Variants in ORC6 observed in about 807,000 individuals in gnomAD.
ORC6 encodes origin recognition complex subunit 6, also known as origin recognition complex, subunit 6 homolog-like (yeast).
ORC6 carries 31 observed loss-of-function variants against 30.0 expected under a neutral mutation model. The observed-to-expected ratio is 1.03, with a 90% CI of 0.78 to 1.40. The LOEUF (loss-of-function observed/expected upper bound fraction) is 1.40. Among genes scored for constraint, ORC6 ranks in the 40% most tolerant of loss-of-function variants. The pLI is 0.00. For synonymous variants in ORC6, 136 were observed against 111.2 expected (o/e 1.22, Z -1.40); for missense variants, 340 against 304.3 (o/e 1.12, Z -0.87).
intron 2 of ORC6, among the ~76,000 whole-genome samples, chr16:46,692,067 A>T (rs1184742151): frequency 6.6e-6 from 1 of 151,840 alleles, no homozygotes; most frequent in East Asian, 1.9e-4. Context: ...TATAAACACA[A>T]GTAACCATCT....
chr16:46,693,806 CTTTTTTTTT>C (rs1194005655), intron 4 of ORC6: 1 of 46,090 alleles, frequency 2.2e-5, no homozygotes, highest in Non-Finnish European at 4.5e-5. Context: ...AACACTGTCT[CTTTTTTTTT>C]TTTTTTTTTT....
intron 5 of ORC6, 171 bp from the exon 6 acceptor site, chr16:46,695,846 G>A: frequency 1.3e-6 from 1 of 751,554 alleles, no homozygotes; most frequent in Non-Finnish European, 2.4e-6. Context: ...ATCTATGCCT[G>A]GAAAATGATT....
intron 4 of ORC6, chr16:46,695,311 A>C: frequency 2.1e-6 from 1 of 466,960 alleles, no homozygotes; most frequent in South Asian, 2.3e-5. Context: ...TCTAAAAGTC[A>C]TGAAGCACTA....
At position 46,698,186 on chromosome 16, in the gene ORC6, TA is replaced by T. The variant is rs1966544211; in HGVS notation, c.*602del. On this transcript the variant is annotated 3_prime_UTR_variant, in exon 7 of 7. Transcript: ENST00000219097. The stretch of plus-strand genomic sequence containing the variant: ...ATAGATAGATAGATAGATAGATGGA[TA>T]GATAGATAGATAGATAGATAGATAG... 2.5e-6 allele frequency: 1 copy of T among 407,568 alleles called. No homozygotes were observed. Among genetic ancestry groups the T allele is most frequent in the Non-Finnish European group, 4.9e-6 (1 of 204,122 alleles). 25.2% of individuals were successfully genotyped at this position (407,568 alleles called of 1,614,324 possible).
In ORC6 at chr16:46,697,808, T is replaced by C; in HGVS notation, c.*223T>C. Reference sequence around the variant, plus strand: ...AGTGCCTGATTGGTATAGCCTTATGTGCTTTCCTACAAAATGGAATTGGAG... The same window carrying C: ...AGTGCCTGATTGGTATAGCCTTATGCGCTTTCCTACAAAATGGAATTGGAG... On this transcript the variant is annotated 3_prime_UTR_variant, in exon 7 of 7. Transcript: ENST00000219097. The C allele has an allele frequency of 3.1e-6, 2 of 638,542 alleles. No individual in the cohort carries two copies. Among genetic ancestry groups the C allele is most frequent in the South Asian group, 3.0e-5 (2 of 66,182 alleles). The allele number at this position is 638,542 out of a possible 1,614,324, so 39.6% of individuals were successfully genotyped here.
chr16:46,692,322 G>A (rs1392653937), intron 2 of ORC6, 60 bp from the exon 3 acceptor site: 1 of 1,369,170 alleles, frequency 7.3e-7, no homozygotes, highest in Non-Finnish European at 1.0e-6. Flanking sequence ...AGTGTTTAAG[G>A]GTACTAATAT....
chr16:46,695,172 A>T (rs1339924368), intron 4 of ORC6: 1 of 231,792 alleles, frequency 4.3e-6, no homozygotes, highest in Non-Finnish European at 8.5e-6. Context: ...TTATTAGGAA[A>T]GTTTATTTTC....
At chr16:46,693,040 T>G (rs1966465951) in intron 3 of ORC6, 53 bp from the exon 4 acceptor site, 1 of 1,200,456 alleles carries the variant, frequency 8.3e-7, no homozygotes, top group African/African-American at 1.5e-5. Flanking sequence ...ACTTTCAGTC[T>G]CTTTTCAAAT....
At chr16:46,690,698 C>T in intron 1 of ORC6, 1 of 425,892 alleles carries the variant, frequency 2.3e-6, no homozygotes, top group South Asian at 2.1e-5. Context: ...TCTAACCTGC[C>T]TGTCTCTGAT....
rs917709633 is a variant in ORC6 at position 46,698,021 on chromosome 16, A to G, written c.*436A>G. Reference sequence around the variant, plus strand: ...TCCCAGCTCCTCAGTAGGCTGAGACAGGAGCATCACTTGAACGTGGGAGGC... The same window carrying G: ...TCCCAGCTCCTCAGTAGGCTGAGACGGGAGCATCACTTGAACGTGGGAGGC... On this transcript the variant is annotated 3_prime_UTR_variant, in exon 7 of 7. Transcript: ENST00000219097. 2 of 411,996 alleles carry G rather than the reference A, an allele frequency of 4.9e-6. No homozygotes were observed. Among genetic ancestry groups the G allele is most frequent in the African/African-American group, 4.1e-5 (2 of 48,970 alleles). The allele number at this position is 411,996 out of a possible 1,614,324, so 25.5% of individuals were successfully genotyped here.
chr16:46,693,474 T>C, intron 4 of ORC6: 1 of 468,954 alleles, frequency 2.1e-6, no homozygotes, highest in Non-Finnish European at 3.9e-6. Context: ...TAAAACAGTC[T>C]TCACATGTGA....
At chr16:46,690,763 A>C (rs1966426552) in intron 1 of ORC6, 7 of 582,528 alleles carry the variant, frequency 1.2e-5, no homozygotes, top group Middle Eastern at 9.1e-4. Context: ...TTTTTTGTCA[A>C]AATTTAACTT....
intron 2 of ORC6, 72 bp from the exon 3 acceptor site, chr16:46,692,306 TAAAC>T: frequency 8.0e-7 from 1 of 1,245,818 alleles, no homozygotes; most frequent in African/African-American, 1.5e-5. Context: ...TACTGCTTAT[TAAAC>T]AAGTGTTTAA....
chr16:46,694,515 A>G (rs1257828558), intron 4 of ORC6: 4 of 129,114 alleles, frequency 3.1e-5, no homozygotes, highest in Non-Finnish European at 4.9e-5. Flanking sequence ...TCCTTCCTGG[A>G]CGGGGCGGCT....
intron 4 of ORC6, among the ~76,000 whole-genome samples, chr16:46,694,764 A>G (rs989721902): frequency 7.9e-5 from 12 of 151,926 alleles, no homozygotes; most frequent in African/African-American, 1.2e-4. Context: ...TGGGTTATCT[A>G]TGTGTATGCT....
chr16:46,695,797 G>A (rs1015532202), intron 5 of ORC6, 123 bp downstream of exon 5: 4 of 772,194 alleles, frequency 5.2e-6, no homozygotes, highest in Non-Finnish European at 9.2e-6. Context: ...TGTGGACCAG[G>A]TATGTTTTTA....
rs1205060200 is a variant in ORC6 at position 46,697,960 on chromosome 16, C to T, written c.*375C>T. On this transcript the variant is annotated 3_prime_UTR_variant, in exon 7 of 7. Transcript: ENST00000219097. ...TGAAACCCCATCTCTACTAAAAATACAAAAATTAGCCAGGTGTGATGGTGC... is the reference window on the plus strand; with the variant it reads ...TGAAACCCCATCTCTACTAAAAATATAAAAATTAGCCAGGTGTGATGGTGC... 2.3e-6 allele frequency: 1 copy of T among 436,928 alleles called. No individual in the cohort carries two copies. Among genetic ancestry groups the T allele is most frequent in the Admixed American group, 2.4e-5 (1 of 41,296 alleles). The allele number at this position is 436,928 out of a possible 1,614,324, so 27.1% of individuals were successfully genotyped here. A position where few individuals can be genotyped will look rare whatever the true frequency, so the allele number is the denominator to read the frequency against.
intron 2 of ORC6, among the ~76,000 whole-genome samples, chr16:46,691,932 GCACA>G (rs34549741): frequency 1.7e-5 from 1 of 59,244 alleles, no homozygotes; most frequent in African/African-American, 6.9e-5. Flanking sequence ...TTTCTCTCCT[GCACA>G]CACACACACA....
chr16:46,696,171 C>A, intron 6 of ORC6, 86 bp downstream of exon 6: 1 of 909,088 alleles, frequency 1.1e-6, no homozygotes, highest in Non-Finnish European at 1.8e-6. Context: ...TGACAGGAGT[C>A]CAGTTTTAAG....
Sources: allele counts gnomAD v4.1 joint callset (sites outside exome capture counted in the v4.1 genomes callset), GRCh38; gene constraint gnomAD v4.1.1; transcripts MANE v1.5; gene names NCBI Gene and HGNC (gene_info 2026-07-23, HGNC 2026-07-21).